Variants in SEMA6D observed in about 807,000 individuals in gnomAD.
The protein encoded by SEMA6D is semaphorin 6D, also known as semaphorin-6D.
SEMA6D carries 35 observed loss-of-function variants against 106.6 expected under a neutral mutation model. That is an observed-to-expected ratio of 0.33 (90% CI 0.25 to 0.44). The LOEUF (loss-of-function observed/expected upper bound fraction) is 0.44. Ranked by LOEUF, SEMA6D falls within the 20% of genes least tolerant of loss-of-function variation. The pLI, the probability that SEMA6D is intolerant of heterozygous loss-of-function variation, is 1.00. For synonymous variants in SEMA6D, 499 were observed against 487.7 expected (o/e 1.02, Z -0.31); for missense variants, 1,185 against 1,345.9 (o/e 0.88, Z 1.87).
At chr15:47,587,882 A>G (rs1024928241) in intron 3 of SEMA6D, among the ~76,000 whole-genome samples, 1 of 151,450 alleles carries the variant, frequency 6.6e-6, no homozygotes, top group Non-Finnish European at 1.5e-5. Flanking sequence ...CTCCATTTGC[A>G]TTGTCAGGTG....
intron 3 of SEMA6D, among the ~76,000 whole-genome samples, chr15:47,524,177 G>A (rs11070591): frequency 0.24 from 35,908 of 152,080 alleles, 5,199 homozygotes; most frequent in East Asian, 0.47. Flanking sequence ...TCTCCTCGCC[G>A]ACAAGATTGC....
At position 47,228,163 on chromosome 15, in the gene SEMA6D, C is replaced by CACACATAT. The variant is rs374770930; in HGVS notation, c.-239+43746_-239+43747insCACATATA. ...ACACACACACACACACACACACACA[C>CACACATAT]ATATATATATAACCTTTTGTTACTT... On this transcript the variant is annotated intron_variant, in intron 1 of 19. Transcript: ENST00000558014. Among the ~76,000 whole-genome samples, 1,212 of 136,800 alleles carry CACACATAT rather than the reference C, an allele frequency of 8.9e-3. 20 individuals are homozygous for CACACATAT. Among genetic ancestry groups the CACACATAT allele is most frequent in the African/African-American group, 0.029 (1,055 of 36,800 alleles). 89.7% of individuals were successfully genotyped at this position (136,800 alleles called of 152,430 possible). A position where few individuals can be genotyped will look rare whatever the true frequency, so the allele number is the denominator to read the frequency against.
chr15:47,491,473 G>A (rs1308550642), intron 3 of SEMA6D, among the ~76,000 whole-genome samples: 1 of 151,996 alleles, frequency 6.6e-6, no homozygotes, highest in Non-Finnish European at 1.5e-5. Context: ...CATTTTTTAT[G>A]CAAATATATG....
chr15:47,632,955 A>G (rs1332793642), intron 4 of SEMA6D, among the ~76,000 whole-genome samples: 1 of 152,008 alleles, frequency 6.6e-6, no homozygotes, highest in East Asian at 1.9e-4. Context: ...GTATTATACT[A>G]CACATATATA....
chr15:47,743,741 A>G (rs551868013), intron 1 of SEMA6D, among the ~76,000 whole-genome samples: 1 of 152,268 alleles, frequency 6.6e-6, no homozygotes, highest in East Asian at 1.9e-4. Flanking sequence ...AGGTGGAGAA[A>G]GCTGAGTTTG....
intron 1 of SEMA6D, among the ~76,000 whole-genome samples, chr15:47,316,110 T>TTTTTTTTTTTTTTTTTTTTTTTA (rs2036664918): frequency 1.4e-5 from 2 of 141,212 alleles, no homozygotes; most frequent in Admixed American, 7.0e-5. Flanking sequence ...TCCTTTTTTT[T>TTTTTTTTTTTTTTTTTTTTTTTA]GAGACAGAAT....
Position 47,348,718 on chromosome 15 carries a change from C to CAGAGA in SEMA6D, c.-238-63675_-238-63674insAGAGA, listed in dbSNP as rs1379277513. On this transcript the variant is annotated intron_variant, in intron 1 of 19. Transcript: ENST00000558014. ...ACACACACACACACACACACACACA[C>CAGAGA]CACACACACAGAGAGAGAGAGAGAG... is the stretch of plus-strand genomic sequence containing the variant. Among the ~76,000 whole-genome samples the CAGAGA allele has an allele frequency of 2.4e-3, 117 of 48,020 alleles. 3 individuals are homozygous for CAGAGA. Among genetic ancestry groups the CAGAGA allele is most frequent in the African/African-American group, 6.6e-3 (109 of 16,570 alleles). The allele number at this position is 48,020 out of a possible 152,430, so 31.5% of individuals were successfully genotyped here. A position where few individuals can be genotyped will look rare whatever the true frequency, so the allele number is the denominator to read the frequency against.
At chr15:47,381,440 C>T (rs1292922301) in intron 1 of SEMA6D, among the ~76,000 whole-genome samples, 1 of 152,106 alleles carries the variant, frequency 6.6e-6, no homozygotes, top group Admixed American at 6.5e-5. Flanking sequence ...TGGAGTGACG[C>T]CTATAGCATA....
chr15:47,479,922 G>A (rs1388464527), intron 3 of SEMA6D, among the ~76,000 whole-genome samples: 1 of 142,702 alleles, frequency 7.0e-6, no homozygotes, highest in Non-Finnish European at 1.5e-5. Flanking sequence ...AGGCTGGAGT[G>A]CAGTGACGTA....
rs149230429 is a variant in SEMA6D at position 47,588,720 on chromosome 15, G to A, written c.-86-12145G>A. ...GTCCCTGGAAGAATTTAGAGAGTGG[G>A]AGTAGGGGTTTAGAAGGCAGTTACA... On this transcript the variant is annotated intron_variant, in intron 3 of 19. Transcript: ENST00000558014. 1.8e-4 allele frequency among the ~76,000 whole-genome samples: 28 copies of A among 152,284 alleles called. No homozygotes were observed. In the East Asian group the frequency reaches 2.9e-3, roughly 16 times the overall value.
chr15:47,450,743 C>T (rs1282592266), intron 2 of SEMA6D, among the ~76,000 whole-genome samples: 3 of 152,074 alleles, frequency 2.0e-5, no homozygotes, highest in Non-Finnish European at 4.4e-5. Flanking sequence ...CACAAAGGTA[C>T]AATCTGGTCC....
chr15:47,489,025 A>G (rs894680686), intron 3 of SEMA6D, among the ~76,000 whole-genome samples: 74 of 152,220 alleles, frequency 4.9e-4, no homozygotes, highest in African/African-American at 1.7e-3. Context: ...ATTTGGGGGG[A>G]AAAACAAGGT....
intron 3 of SEMA6D, among the ~76,000 whole-genome samples, chr15:47,522,147 G>A (rs558572893): frequency 5.7e-4 from 87 of 152,312 alleles, no homozygotes; most frequent in African/African-American, 1.8e-3. Context: ...CATGTCCTGC[G>A]GAGCTGACAC....
chr15:47,657,827 G>A (rs745900370), intron 4 of SEMA6D, among the ~76,000 whole-genome samples: 16 of 131,376 alleles, frequency 1.2e-4, no homozygotes, highest in South Asian at 2.5e-4. Flanking sequence ...TGCAAGCTCC[G>A]TGTCCCAGGT....
At chr15:47,360,440 A>T (rs1185115129) in intron 1 of SEMA6D, among the ~76,000 whole-genome samples, 2 of 152,238 alleles carry the variant, frequency 1.3e-5, no homozygotes, top group East Asian at 3.8e-4. Context: ...GGTAAAATTT[A>T]AAATTCAGCT....
chr15:47,240,188 T>C (rs1053891312), intron 1 of SEMA6D, among the ~76,000 whole-genome samples: 16 of 152,190 alleles, frequency 1.1e-4, no homozygotes, highest in African/African-American at 3.4e-4. Context: ...GAAAGAAAAA[T>C]TTGTTGGTCA....
At chr15:47,725,085 T>C (rs2079654067) in intron 1 of SEMA6D, among the ~76,000 whole-genome samples, 1 of 152,142 alleles carries the variant, frequency 6.6e-6, no homozygotes, top group Admixed American at 6.5e-5. Flanking sequence ...ACGTCGCATA[T>C]GTATATGAGG....
intron 3 of SEMA6D, among the ~76,000 whole-genome samples, chr15:47,510,806 C>A (rs1179273618): frequency 6.6e-6 from 1 of 152,114 alleles, no homozygotes; most frequent in African/African-American, 2.4e-5. Flanking sequence ...AATGATGATG[C>A]TTTTCCTTGA....
At chr15:47,227,515 C>T (rs1330204712) in intron 1 of SEMA6D, among the ~76,000 whole-genome samples, 7 of 129,678 alleles carry the variant, frequency 5.4e-5, no homozygotes, top group Admixed American at 1.6e-4. Flanking sequence ...TGTTTCTCTT[C>T]TTTTTCTTTC....
Sources: allele counts gnomAD v4.1 joint callset (sites outside exome capture counted in the v4.1 genomes callset), GRCh38; gene constraint gnomAD v4.1.1; transcripts MANE v1.5; gene names NCBI Gene and HGNC (gene_info 2026-07-23, HGNC 2026-07-21).